RBMS3: variants seen among roughly 807,000 people sequenced by gnomAD.
RBMS3 encodes the protein RNA-binding motif, single-stranded-interacting protein 3.
RBMS3 carries 27 observed loss-of-function variants against 66.8 expected under a neutral mutation model. The ratio of observed to expected loss-of-function variants is 0.40; its 90% confidence interval spans 0.30 to 0.56. RBMS3 has a LOEUF of 0.56. Among genes scored for constraint, RBMS3 ranks in the 20% least tolerant of loss-of-function variants. The pLI, the probability that RBMS3 is intolerant of heterozygous loss-of-function variation, is 0.40. For missense variants in RBMS3, 513 were observed against 549.5 expected, an observed-to-expected ratio of 0.93 and a Z score of 0.66; for synonymous variants, 188 against 183.0, an observed-to-expected ratio of 1.03 and a Z score of -0.22.
chr3:29,548,468 A>G (rs2046058493), intron 3 of RBMS3, among the ~76,000 whole-genome samples: 1 of 151,950 alleles, frequency 6.6e-6, no homozygotes, highest in African/African-American at 2.4e-5. Flanking sequence ...AAACGACGTT[A>G]ATGAAGGATG....
At chr3:29,974,186 C>G (rs193267250) in intron 12 of RBMS3, among the ~76,000 whole-genome samples, 1 of 151,880 alleles carries the variant, frequency 6.6e-6, no homozygotes, top group Non-Finnish European at 1.5e-5. Context: ...TTACATAACC[C>G]TGGTCCATTC....
intron 4 of RBMS3, chr3:29,697,164 G>C: frequency 1.1e-6 from 1 of 930,906 alleles, no homozygotes; most frequent in Non-Finnish European, 1.3e-6. Context: ...CTAAGTTTGG[G>C]AAAATTTTAA....
intron 14 of RBMS3, among the ~76,000 whole-genome samples, chr3:29,994,940 T>TGAGA (rs1577347038): frequency 6.6e-6 from 1 of 152,192 alleles, no homozygotes; most frequent in East Asian, 1.9e-4. Flanking sequence ...TTTGACGAGC[T>TGAGA]GAGAGAAGAA....
chr3:29,660,679 T>C (rs2050509966), intron 4 of RBMS3, among the ~76,000 whole-genome samples: 1 of 152,198 alleles, frequency 6.6e-6, no homozygotes, highest in African/African-American at 2.4e-5. Context: ...GTACCAAGGA[T>C]TAGCCTGATG....
intron 1 of RBMS3, among the ~76,000 whole-genome samples, chr3:29,319,495 G>GT (rs2034885330): frequency 6.6e-6 from 1 of 151,924 alleles, no homozygotes; most frequent in Non-Finnish European, 1.5e-5. Context: ...CAGAAATGCC[G>GT]TAAGGGAGGC....
intron 4 of RBMS3, among the ~76,000 whole-genome samples, chr3:29,623,627 C>G (rs545826200): frequency 6.6e-6 from 1 of 151,274 alleles, no homozygotes; most frequent in Non-Finnish European, 1.5e-5. Context: ...AGTCATTTCT[C>G]TTCCTCACTA....
At position 29,578,790 on chromosome 3, in the gene RBMS3, C is replaced by CTTTTTTTTTTTTTTTTTTT. The variant is rs1185861167; in HGVS notation, c.308-8320_308-8302dup. Among the ~76,000 whole-genome samples, 250 of 101,036 alleles carry CTTTTTTTTTTTTTTTTTTT rather than the reference C, an allele frequency of 2.5e-3. 11 individuals carry two copies. Among genetic ancestry groups the CTTTTTTTTTTTTTTTTTTT allele is most frequent in the African/African-American group, 4.1e-3 (91 of 22,038 alleles). The allele number at this position is 101,036 out of a possible 152,430, so 66.3% of individuals were successfully genotyped here. A position where few individuals can be genotyped will look rare whatever the true frequency, so the allele number is the denominator to read the frequency against. On this transcript the variant is annotated intron_variant, in intron 3 of 14. Coordinates refer to ENST00000383767, the MANE Select transcript of RBMS3 (RefSeq NM_001003793.3). ...AAAGAATCACAGGTAATACATGCTT[C>CTTTTTTTTTTTTTTTTTTT]TTTTTTTTTTTTTTTTTTTTTTGAG...
intron 6 of RBMS3, among the ~76,000 whole-genome samples, chr3:29,817,081 A>G (rs2057930014): frequency 6.6e-6 from 1 of 151,930 alleles, no homozygotes; most frequent in South Asian, 2.1e-4. Flanking sequence ...ACAGAAGGAG[A>G]CTCCGTCTCA....
chr3:29,874,936 T>C (rs557039737), intron 7 of RBMS3, among the ~76,000 whole-genome samples: 1 of 152,182 alleles, frequency 6.6e-6, no homozygotes, highest in Non-Finnish European at 1.5e-5. Context: ...TTCAGTCCTC[T>C]GCCTAGCCTA....
At chr3:29,886,628 T>G (rs561485160) in intron 8 of RBMS3, among the ~76,000 whole-genome samples, 1 of 151,988 alleles carries the variant, frequency 6.6e-6, no homozygotes, top group South Asian at 2.1e-4. Flanking sequence ...ATTTTATAAG[T>G]TTAAAAAGTT....
intron 6 of RBMS3, among the ~76,000 whole-genome samples, chr3:29,850,537 T>G (rs2058907948): frequency 6.6e-6 from 1 of 152,184 alleles, no homozygotes; most frequent in African/African-American, 2.4e-5. Flanking sequence ...TGAGTATAAT[T>G]GAAGGAAATT....
At chr3:29,510,742 G>A (rs981612176) in intron 3 of RBMS3, among the ~76,000 whole-genome samples, 1 of 152,090 alleles carries the variant, frequency 6.6e-6, no homozygotes, top group Admixed American at 6.5e-5. Flanking sequence ...TTTTGGATTA[G>A]GGATGCTCAA....
intron 4 of RBMS3, among the ~76,000 whole-genome samples, chr3:29,712,829 C>T (rs992060251): frequency 1.3e-5 from 2 of 152,182 alleles, no homozygotes; most frequent in Non-Finnish European, 2.9e-5. Context: ...CAGGCACCCA[C>T]TAGGTTCTCA....
chr3:29,326,904 G>A (rs2035370650), intron 1 of RBMS3, among the ~76,000 whole-genome samples: 1 of 151,884 alleles, frequency 6.6e-6, no homozygotes, highest in African/African-American at 2.4e-5. Context: ...CTAATTTTTT[G>A]TATTTTTAGC....
At chr3:29,896,918 T>A (rs2060136156) in intron 8 of RBMS3, among the ~76,000 whole-genome samples, 1 of 151,666 alleles carries the variant, frequency 6.6e-6, no homozygotes, top group Admixed American at 6.6e-5. Context: ...GAAAGTATTT[T>A]CTGCATGAGG....
At chr3:29,743,895 C>G (rs1225691858) in intron 5 of RBMS3, among the ~76,000 whole-genome samples, 1 of 108,710 alleles carries the variant, frequency 9.2e-6, no homozygotes. Flanking sequence ...TCCCTCCCCC[C>G]TCCCCCCACC....
intron 1 of RBMS3, among the ~76,000 whole-genome samples, chr3:29,342,761 A>C (rs561752056): frequency 7.6e-4 from 116 of 152,282 alleles, no homozygotes; most frequent in Admixed American, 1.2e-3. Context: ...TGAATTACAC[A>C]GTTTTTCACA....
intron 10 of RBMS3, among the ~76,000 whole-genome samples, chr3:29,923,264 A>G (rs555159318): frequency 6.6e-6 from 1 of 152,352 alleles, no homozygotes; most frequent in Non-Finnish European, 1.5e-5. Context: ...CACAGTTGAC[A>G]ATGGAGCTAT....
At chr3:29,492,780 C>T (rs1285721957) in intron 3 of RBMS3, among the ~76,000 whole-genome samples, 1 of 152,094 alleles carries the variant, frequency 6.6e-6, no homozygotes, top group Non-Finnish European at 1.5e-5. Flanking sequence ...GTAGTGTCCT[C>T]AGGGTAAGTT....
Sources: allele counts gnomAD v4.1 joint callset (sites outside exome capture counted in the v4.1 genomes callset), GRCh38; gene constraint gnomAD v4.1.1; transcripts MANE v1.5; gene names NCBI Gene and HGNC (gene_info 2026-07-23, HGNC 2026-07-21).